Variants in PDE6C observed in about 807,000 individuals in gnomAD.
PDE6C encodes phosphodiesterase 6C, also known as cone cGMP-specific 3',5'-cyclic phosphodiesterase subunit alpha'.
A neutral mutation model predicts 113.1 loss-of-function variants in PDE6C; 75 were observed. That is an observed-to-expected ratio of 0.66 (90% CI 0.55 to 0.80). PDE6C has a LOEUF of 0.80. PDE6C is among the 30% of genes least tolerant of loss of function. The pLI, the probability that PDE6C is intolerant of heterozygous loss-of-function variation, is 0.00. For missense variants in PDE6C, 912 were observed against 1,038.6 expected, an observed-to-expected ratio of 0.88 and a Z score of 1.67; for synonymous variants, 375 against 363.7, an observed-to-expected ratio of 1.03 and a Z score of -0.35.
chr10:93,615,121 G>A lies in PDE6C; in HGVS notation c.480+1916G>A, dbSNP rs78218882. 5.8e-3 allele frequency among the ~76,000 whole-genome samples: 879 copies of A among 152,180 alleles called. 9 individuals are homozygous for A. Among genetic ancestry groups the A allele is most frequent in the African/African-American group, 0.019 (808 of 41,528 alleles). ...AGGCTGGCCAACATGGGAAACCCCC[G>A]TCTCTACCAAAAATACAAAAATAAG... On this transcript the variant is annotated intron_variant, in intron 1 of 21. Coordinates refer to ENST00000371447, the MANE Select transcript of PDE6C (RefSeq NM_006204.4).
chr10:93,650,857 T>C (rs938353725), intron 15 of PDE6C, among the ~76,000 whole-genome samples: 1 of 150,982 alleles, frequency 6.6e-6, no homozygotes, highest in Admixed American at 6.6e-5. Flanking sequence ...ATTGGTATAC[T>C]TTTTCCCACA....
rs201218220 is a variant in PDE6C, at chr10:93,640,419, C to T, written c.1630-31C>T. 935 of 1,526,876 alleles carry T rather than the reference C, an allele frequency of 6.1e-4. 3 individuals are homozygous for T. Among genetic ancestry groups the T allele is most frequent in the Middle Eastern group, 5.3e-3 (31 of 5,870 alleles). The allele number at this position is 1,526,876 out of a possible 1,614,324, so 94.6% of individuals were successfully genotyped here. ...ACCTTCTAACCTTTAGAATTCTATT[C>T]CAAAGTCTGAATGGTGTCATCTTCT... On this transcript the variant is annotated intron_variant, in intron 12 of 21. Transcript: ENST00000371447.
intron 14 of PDE6C, among the ~76,000 whole-genome samples, chr10:93,644,890 T>C (rs2058576838): frequency 5.2e-5 from 1 of 19,118 alleles, no homozygotes; most frequent in Non-Finnish European, 1.9e-4. Flanking sequence ...TATATTTATA[T>C]AGTATATATA....
chr10:93,663,211 G>A (rs1207715280), intron 21 of PDE6C, 33 bp downstream of exon 21: 2 of 1,606,124 alleles, frequency 1.2e-6, no homozygotes. Flanking sequence ...TCCCTGTAAT[G>A]TAGCCAGAAG....
At chr10:93,645,470 CAG>C (rs1011060852) in intron 14 of PDE6C, among the ~76,000 whole-genome samples, 3 of 152,086 alleles carry the variant, frequency 2.0e-5, no homozygotes, top group African/African-American at 7.2e-5. Context: ...TGAAGAAAAA[CAG>C]GGTACAAAAG....
chr10:93,648,621 G>A (rs1384081937), intron 15 of PDE6C, among the ~76,000 whole-genome samples: 1 of 152,142 alleles, frequency 6.6e-6, no homozygotes, highest in Non-Finnish European at 1.5e-5. Flanking sequence ...GAACGGCAAT[G>A]TCCTTCTATC....
intron 4 of PDE6C, among the ~76,000 whole-genome samples, chr10:93,623,639 G>A (rs973774675): frequency 3.9e-5 from 6 of 152,198 alleles, no homozygotes; most frequent in East Asian, 1.9e-4. Flanking sequence ...TTTTGTGAAA[G>A]GTACAAGTTC....
Position 93,627,427 on chromosome 10 carries a change from T to G in PDE6C, c.1071+556T>G, listed in dbSNP as rs74150290. 3.9e-3 allele frequency among the ~76,000 whole-genome samples: 587 copies of G among 152,286 alleles called. 3 individuals carry two copies. Among genetic ancestry groups the G allele is most frequent in the African/African-American group, 0.014 (574 of 41,558 alleles). On this transcript the variant is annotated intron_variant, in intron 7 of 21. Coordinates refer to ENST00000371447, the MANE Select transcript of PDE6C (RefSeq NM_006204.4). The stretch of plus-strand genomic sequence containing the variant: ...TCCTCCATCCCTCAATTTCTTATTC[T>G]GCAGCCACACACATTTCAGATATCC...
At chr10:93,619,501 A>G (rs528891533) in intron 1 of PDE6C, among the ~76,000 whole-genome samples, 2 of 152,286 alleles carry the variant, frequency 1.3e-5, no homozygotes, top group East Asian at 3.9e-4. Context: ...ATCTTGGCTT[A>G]CTGCAACCTC....
intron 16 of PDE6C, among the ~76,000 whole-genome samples, chr10:93,658,207 AAAGAAAG>A (rs1163426180): frequency 3.9e-5 from 4 of 102,920 alleles, no homozygotes; most frequent in African/African-American, 1.8e-4. Context: ...AAGAAAAAGA[AAAGAAAG>A]AAAGAAAGAA....
intron 4 of PDE6C, among the ~76,000 whole-genome samples, chr10:93,622,639 GT>G (rs67350128): frequency 0.71 from 80,434 of 113,860 alleles, 25,424 homozygotes; most frequent in South Asian, 0.78. Context: ...GTAGCCACAG[GT>G]TTTTTTTTTG....
At chr10:93,659,248 A>G in intron 18 of PDE6C, 81 bp downstream of exon 18, 1 of 937,386 alleles carries the variant, frequency 1.1e-6, no homozygotes. Flanking sequence ...TAAAGATCTC[A>G]GGCAACCTCA....
chr10:93,657,182 C>T (rs1341413795), intron 16 of PDE6C, among the ~76,000 whole-genome samples: 1 of 151,026 alleles, frequency 6.6e-6, no homozygotes, highest in Non-Finnish European at 1.5e-5. Context: ...GGTTTTTTTG[C>T]GACGGAGTCT....
chr10:93,620,818 C>A, intron 2 of PDE6C, 34 bp downstream of exon 2: 1 of 1,613,928 alleles, frequency 6.2e-7, no homozygotes, highest in Non-Finnish European at 8.5e-7. Flanking sequence ...GTTGGAGGCT[C>A]AGGAAATTTA....
Position 93,658,884 on chromosome 10 carries a change from A to G in PDE6C, c.2037-17A>G. ...TTCATAAGCTAAAATTGTTGCTCAC[A>G]GCTGTATCTTTTCTAGGAAGAGGAC... On this transcript the variant is annotated splice_polypyrimidine_tract_variant and intron_variant, in intron 16 of 21. Coordinates refer to ENST00000371447, the MANE Select transcript of PDE6C (RefSeq NM_006204.4). 1 of 1,443,938 alleles carries G rather than the reference A, an allele frequency of 6.9e-7. No homozygotes were observed. The highest frequency in any genetic ancestry group is 9.8e-7 in the Non-Finnish European group (1 of 1,025,414). The allele number at this position is 1,443,938 out of a possible 1,614,324, so 89.4% of individuals were successfully genotyped here.
At chr10:93,636,366 CTTTGTGTG>C (rs1305651375) in intron 10 of PDE6C, among the ~76,000 whole-genome samples, 2 of 90,610 alleles carry the variant, frequency 2.2e-5, no homozygotes, top group Non-Finnish European at 2.2e-5. Context: ...ATTTCCCTGG[CTTTGTGTG>C]TGTGTGTGTG....
chr10:93,659,257 C>A, intron 18 of PDE6C, 90 bp downstream of exon 18: 1 of 891,634 alleles, frequency 1.1e-6, no homozygotes, highest in Non-Finnish European at 1.8e-6. Context: ...CAGGCAACCT[C>A]AGAATTCTGA....
intron 7 of PDE6C, among the ~76,000 whole-genome samples, chr10:93,628,894 A>G (rs914563104): frequency 4.6e-5 from 7 of 152,172 alleles, no homozygotes; most frequent in South Asian, 2.1e-4. Context: ...AGAAGAAGAA[A>G]AAAAGCAATC....
In PDE6C at chr10:93,663,119, A is replaced by T. The variant is rs1422900465; in HGVS notation, c.2459A>T (p.Asp820Val). 1.9e-6 allele frequency: 3 copies of T among 1,613,704 alleles called. No individual in the cohort carries two copies. Among genetic ancestry groups the T allele is most frequent in the Non-Finnish European group, 8.5e-7 (1 of 1,179,766 alleles). ...TGGAAATCACTAGCTGATGAGTATGATGCAAAGATGAAGGTCATTGAAGAG... is the reference window on the plus strand; with the variant it reads ...TGGAAATCACTAGCTGATGAGTATGTTGCAAAGATGAAGGTCATTGAAGAG... ...VEWKSLADEYDAKMKVIEEEA... is the reference protein window; with the variant it reads ...VEWKSLADEYVAKMKVIEEEA... The change falls in exon 21 of 22, where the codon GAT becomes GTT. Residue 820 changes from aspartate (D) to valine (V), a missense_variant. Coordinates refer to ENST00000371447, the MANE Select transcript of PDE6C (RefSeq NM_006204.4).
Sources: allele counts gnomAD v4.1 joint callset (sites outside exome capture counted in the v4.1 genomes callset), GRCh38; gene constraint gnomAD v4.1.1; transcripts MANE v1.5; gene names NCBI Gene and HGNC (gene_info 2026-07-23, HGNC 2026-07-21).